Variants in PTK2B observed in about 807,000 individuals in gnomAD.
The protein encoded by PTK2B is protein-tyrosine kinase 2-beta.
PTK2B carries 71 observed loss-of-function variants against 142.9 expected under a neutral mutation model. The ratio of observed to expected loss-of-function variants is 0.50; its 90% CI spans 0.41 to 0.61. PTK2B has a LOEUF of 0.61. PTK2B is among the 20% of genes least tolerant of loss of function. The pLI is 0.00. For synonymous variants in PTK2B, 519 were observed against 503.4 expected, an observed-to-expected ratio of 1.03 and a Z score of -0.42; for missense variants, 1,105 against 1,320.4, an observed-to-expected ratio of 0.84 and a Z score of 2.53.
intron 1 of PTK2B, among the ~76,000 whole-genome samples, chr8:27,312,022 C>T (rs1253080911): frequency 6.6e-6 from 1 of 152,072 alleles, no homozygotes; most frequent in African/African-American, 2.4e-5. Context: ...TTTTAATGGG[C>T]AAGTGCCCAT....
intron 1 of PTK2B, among the ~76,000 whole-genome samples, chr8:27,348,150 A>C (rs1309409213): frequency 1.3e-5 from 2 of 152,268 alleles, no homozygotes; most frequent in Non-Finnish European, 2.9e-5. Context: ...TGGGAAAAAA[A>C]CAGAAATATC....
chr8:27,382,067 G>A (rs564722324), intron 1 of PTK2B, among the ~76,000 whole-genome samples: 18 of 152,030 alleles, frequency 1.2e-4, no homozygotes, highest in African/African-American at 3.6e-4. Context: ...CTCGTGCCTC[G>A]GCCATTGGAG....
chr8:27,326,052 C>T (rs1283220885), intron 1 of PTK2B, among the ~76,000 whole-genome samples: 1 of 152,088 alleles, frequency 6.6e-6, no homozygotes, highest in Non-Finnish European at 1.5e-5. Context: ...TCAGCTCCTG[C>T]CCCCGCTCCC....
chr8:27,436,965 G>T (rs1329411297), intron 15 of PTK2B, among the ~76,000 whole-genome samples, 157 bp from the exon 16 acceptor site: 1 of 152,150 alleles, frequency 6.6e-6, no homozygotes, highest in African/African-American at 2.4e-5. Flanking sequence ...AGTGGAGAAG[G>T]AGAAGAGAGG....
At position 27,402,656 on chromosome 8, in the gene PTK2B, G is replaced by A. The variant is rs116491725; in HGVS notation, c.204+4868G>A. On this transcript the variant is annotated intron_variant, in intron 2 of 30. Transcript: ENST00000346049. ...AAACACAGGTGTACTCCCTGCTTTC[G>A]TAGGGCTTCCTGGCCAAGAGTGAGA... is the stretch of plus-strand genomic sequence containing the variant. Among the ~76,000 whole-genome samples, 926 of 152,260 alleles carry A rather than the reference G, an allele frequency of 6.1e-3. 10 individuals carry two copies. Among genetic ancestry groups the A allele is most frequent in the African/African-American group, 0.021 (889 of 41,538 alleles).
At chr8:27,392,814 T>A (rs911400502) in intron 1 of PTK2B, among the ~76,000 whole-genome samples, 2 of 152,168 alleles carry the variant, frequency 1.3e-5, no homozygotes, top group African/African-American at 4.8e-5. Context: ...GAAGTTGCCA[T>A]GTGTCAATAG....
chr8:27,448,284 C>A (rs149113579), intron 24 of PTK2B, among the ~76,000 whole-genome samples: 1 of 152,282 alleles, frequency 6.6e-6, no homozygotes, highest in African/African-American at 2.4e-5. Context: ...TGGGTCATAG[C>A]CAGATTATGG....
At chr8:27,430,060 T>G in intron 5 of PTK2B, 33 bp from the exon 6 acceptor site, 1 of 1,596,900 alleles carries the variant, frequency 6.3e-7, no homozygotes, top group African/African-American at 1.3e-5. Context: ...TTCTCCAGCC[T>G]TCAGCCTCCC....
intron 9 of PTK2B, chr8:27,432,044 C>G (rs1563281888): frequency 2.0e-6 from 1 of 505,678 alleles, no homozygotes; most frequent in East Asian, 3.0e-5. Flanking sequence ...TATGTGTGGT[C>G]CAAGACAATT....
intron 3 of PTK2B, among the ~76,000 whole-genome samples, chr8:27,319,971 A>G (rs1340351356): frequency 3.9e-5 from 6 of 152,162 alleles, no homozygotes; most frequent in East Asian, 1.9e-4. Flanking sequence ...ACTGATTGCC[A>G]GTGAACACCA....
chr8:27,328,416 G>A (rs939781762), intron 1 of PTK2B, among the ~76,000 whole-genome samples: 1 of 152,172 alleles, frequency 6.6e-6, no homozygotes, highest in Non-Finnish European at 1.5e-5. Context: ...CTCCTAAAAG[G>A]GAACCTAGAG....
chr8:27,433,888 G>T (rs542880337), intron 11 of PTK2B, among the ~76,000 whole-genome samples: 5 of 152,230 alleles, frequency 3.3e-5, no homozygotes, highest in African/African-American at 1.2e-4. Flanking sequence ...GGTCACAGCT[G>T]GAGCACGTGA....
chr8:27,442,293 AC>A (rs1811200869), intron 21 of PTK2B, among the ~76,000 whole-genome samples: 1 of 152,252 alleles, frequency 6.6e-6, no homozygotes, highest in African/African-American at 2.4e-5. Context: ...ACCCATATGA[AC>A]ATGTGGATTC....
chr8:27,458,540 C>T lies in PTK2B; in HGVS notation c.*31C>T, dbSNP rs760764061. The stretch of plus-strand genomic sequence containing the variant: ...GGTGGGGGCCACCTGCCTGCGTCTT[C>T]CGCCCCTGCCTGCCATGTACCTCCC... On this transcript the variant is annotated 3_prime_UTR_variant, in exon 31 of 31. Transcript: ENST00000346049. The T allele has an allele frequency of 1.3e-6, 2 of 1,544,352 alleles. No homozygotes were observed. The highest frequency in any genetic ancestry group is 1.2e-5 in the South Asian group (1 of 83,936).
intron 30 of PTK2B, 112 bp from the exon 31 acceptor site, chr8:27,458,182 G>C: frequency 1.8e-6 from 2 of 1,085,534 alleles, no homozygotes; most frequent in Admixed American, 4.5e-5. Context: ...TTTGCTTCCA[G>C]GGAACTTCTG....
At position 27,357,379 on chromosome 8, in the gene PTK2B, A is replaced by C. The variant is rs77270828; in HGVS notation, c.-38+31698A>C. On this transcript the variant is annotated intron_variant, in intron 1 of 30. Coordinates refer to ENST00000346049, the MANE Select transcript of PTK2B (RefSeq NM_173176.3). ...GTTGGTGTTTAAATATTAATCCCTC[A>C]TGGTCCTCACATCATTTCCAGGGGT... Among the ~76,000 whole-genome samples the C allele has an allele frequency of 9.2e-5, 14 of 152,332 alleles. No homozygotes were observed. The East Asian group carries it at 2.7e-3, about 29-fold the overall frequency.
rs1380630824 is a variant in PTK2B, at chr8:27,422,397, A to G, written c.551+14A>G. ...CCTGGAGCTCAGGTATGTGGCCCTG[A>G]GGCCTCTGCTGGGAGGGCGCTGTGC... On this transcript the variant is annotated intron_variant, in intron 5 of 30. Transcript: ENST00000346049. 1.2e-6 allele frequency: 2 copies of G among 1,603,130 alleles called. No individual in the cohort carries two copies. Among genetic ancestry groups the G allele is most frequent in the East Asian group, 4.5e-5 (2 of 44,576 alleles).
intron 9 of PTK2B, 54 bp from the exon 10 acceptor site, chr8:27,432,206 A>G: frequency 6.5e-7 from 1 of 1,546,982 alleles, no homozygotes; most frequent in Non-Finnish European, 8.9e-7. Context: ...ACCAATCTGC[A>G]TGGCCTAGTC....
At chr8:27,380,335 A>G (rs937793687) in intron 1 of PTK2B, among the ~76,000 whole-genome samples, 6 of 151,838 alleles carry the variant, frequency 4.0e-5, no homozygotes, top group African/African-American at 1.5e-4. Context: ...TTTGTATTTT[A>G]TTTGATGTTT....
Sources: allele counts gnomAD v4.1 joint callset (sites outside exome capture counted in the v4.1 genomes callset), GRCh38; gene constraint gnomAD v4.1.1; transcripts MANE v1.5; gene names NCBI Gene and HGNC (gene_info 2026-07-23, HGNC 2026-07-21).